RIMS1: variants seen among roughly 807,000 people sequenced by gnomAD.
RIMS1 encodes regulating synaptic membrane exocytosis 1.
RIMS1 carries 83 observed loss-of-function variants against 214.1 expected under a neutral mutation model. The ratio of observed to expected loss-of-function variants is 0.39; its 90% CI spans 0.32 to 0.47. The LOEUF is 0.47. RIMS1 is among the 20% of genes least tolerant of loss of function. RIMS1 has a pLI of 0.99. For missense variants in RIMS1, 2,050 were observed against 2,161.8 expected, an observed-to-expected ratio of 0.95 and a Z score of 1.03; for synonymous variants, 793 against 786.8, an observed-to-expected ratio of 1.01 and a Z score of -0.13.
intron 10 of RIMS1, among the ~76,000 whole-genome samples, chr6:72,244,714 C>G (rs1255148717): frequency 6.6e-6 from 1 of 151,730 alleles, no homozygotes. Flanking sequence ...AAATACACAG[C>G]ATAGGCCAGA....
chr6:72,122,448 C>T lies in RIMS1; in HGVS notation c.471+22462C>T, dbSNP rs1360142987. On this transcript the variant is annotated intron_variant, in intron 4 of 33. Transcript: ENST00000521978. The stretch of plus-strand genomic sequence containing the variant: ...GTCGTGATCTCCTGACCTCATGATC[C>T]ACCCGCCTCGGCCTCCCAAAGTGCT... 2.6e-5 allele frequency among the ~76,000 whole-genome samples: 4 copies of T among 151,526 alleles called. 1 individual carries two copies. Among genetic ancestry groups the T allele is most frequent in the East Asian group, 1.9e-4 (1 of 5,182 alleles).
intron 2 of RIMS1, among the ~76,000 whole-genome samples, chr6:71,975,634 G>A (rs540715583): frequency 6.6e-6 from 1 of 152,138 alleles, no homozygotes; most frequent in Admixed American, 6.6e-5. Flanking sequence ...CAATTTAGTG[G>A]TTTTCAAAAA....
chr6:72,302,547 A>G (rs983473934), intron 26 of RIMS1, among the ~76,000 whole-genome samples: 2 of 151,248 alleles, frequency 1.3e-5, no homozygotes, highest in African/African-American at 2.4e-5. Flanking sequence ...TGTGTCATTT[A>G]TATTCTTCTG....
intron 31 of RIMS1, among the ~76,000 whole-genome samples, chr6:72,393,653 G>C (rs1428658891): frequency 2.0e-5 from 3 of 152,080 alleles, no homozygotes; most frequent in African/African-American, 7.2e-5. Context: ...CGTGAACCCG[G>C]GAAGTGGAGC....
At chr6:71,961,726 T>A (rs1793002877) in intron 1 of RIMS1, among the ~76,000 whole-genome samples, 1 of 134,452 alleles carries the variant, frequency 7.4e-6, no homozygotes, top group Non-Finnish European at 1.6e-5. Context: ...TCTCAGTGGA[T>A]AGGTTTTGTT....
chr6:72,270,034 A>G (rs1339472896), intron 22 of RIMS1, among the ~76,000 whole-genome samples: 1 of 152,132 alleles, frequency 6.6e-6, no homozygotes, highest in Non-Finnish European at 1.5e-5. Context: ...ATATACTTCT[A>G]TTAAAATACA....
intron 6 of RIMS1, 112 bp from the exon 7 acceptor site, chr6:72,233,661 A>G (rs1425064314): frequency 2.5e-6 from 2 of 797,408 alleles, no homozygotes; most frequent in African/African-American, 3.4e-5. Flanking sequence ...TGCGATGTAC[A>G]CGCTCAAGCT....
At chr6:72,192,626 A>G (rs760327488) in intron 6 of RIMS1, among the ~76,000 whole-genome samples, 7 of 152,196 alleles carry the variant, frequency 4.6e-5, no homozygotes, top group Non-Finnish European at 8.8e-5. Context: ...TAATTAGCCA[A>G]TGCCAGAGCT....
chr6:72,304,953 A>T (rs972981402), intron 26 of RIMS1, among the ~76,000 whole-genome samples: 3 of 150,216 alleles, frequency 2.0e-5, no homozygotes, highest in Non-Finnish European at 4.5e-5. Context: ...GTTAATTTGG[A>T]GATTTTTTTT....
intron 4 of RIMS1, among the ~76,000 whole-genome samples, chr6:72,160,674 C>G (rs2045251470): frequency 7.1e-6 from 1 of 140,798 alleles, no homozygotes; most frequent in Non-Finnish European, 1.6e-5. Context: ...TGTTTATATG[C>G]TGGCTTACGT....
At chr6:72,400,403 G>A in intron 33 of RIMS1, 93 bp from the exon 34 acceptor site, 1 of 1,018,982 alleles carries the variant, frequency 9.8e-7, no homozygotes, top group African/African-American at 1.6e-5. Context: ...CTGCTTCACT[G>A]ACTGGCCCAC....
chr6:72,167,237 G>T (rs752412094), intron 4 of RIMS1, among the ~76,000 whole-genome samples: 2 of 151,550 alleles, frequency 1.3e-5, no homozygotes, highest in Non-Finnish European at 2.9e-5. Flanking sequence ...GCATATATAT[G>T]TGTATATATA....
chr6:72,210,179 T>C (rs1275946427), intron 6 of RIMS1, among the ~76,000 whole-genome samples: 1 of 152,196 alleles, frequency 6.6e-6, no homozygotes, highest in Non-Finnish European at 1.5e-5. Context: ...AATACTTCTC[T>C]TTCTTGTTCC....
At chr6:72,157,052 G>A (rs564475969) in intron 4 of RIMS1, among the ~76,000 whole-genome samples, 9 of 140,326 alleles carry the variant, frequency 6.4e-5, no homozygotes, top group African/African-American at 1.5e-4. Context: ...CAATCTGTCC[G>A]TACTTAGGAA....
At chr6:72,227,567 T>C (rs2060578590) in intron 6 of RIMS1, among the ~76,000 whole-genome samples, 1 of 151,936 alleles carries the variant, frequency 6.6e-6, no homozygotes, top group African/African-American at 2.4e-5. Context: ...TTCAACAAAC[T>C]ATACACACAA....
intron 6 of RIMS1, among the ~76,000 whole-genome samples, chr6:72,195,952 C>T (rs186082498): frequency 6.6e-6 from 1 of 152,100 alleles, no homozygotes; most frequent in East Asian, 1.9e-4. Context: ...CTTATAAAAC[C>T]ATCAGATCTT....
intron 8 of RIMS1, among the ~76,000 whole-genome samples, chr6:72,236,127 G>A (rs2063924856): frequency 6.6e-6 from 1 of 152,036 alleles, no homozygotes; most frequent in South Asian, 2.1e-4. Flanking sequence ...AAATAATTCT[G>A]ATTACCTCCA....
At chr6:72,311,299 A>G (rs1011071754) in intron 27 of RIMS1, among the ~76,000 whole-genome samples, 1 of 152,228 alleles carries the variant, frequency 6.6e-6, no homozygotes, top group Non-Finnish European at 1.5e-5. Flanking sequence ...TAACGCAGCA[A>G]CAGTGTTAAA....
intron 1 of RIMS1, among the ~76,000 whole-genome samples, chr6:71,888,292 G>A (rs1469985007): frequency 1.3e-5 from 2 of 152,158 alleles, no homozygotes; most frequent in Non-Finnish European, 2.9e-5. Flanking sequence ...CTGAAGCAGG[G>A]GAATGTAGGG....
Sources: gnomAD v4.1 joint callset for allele counts (sites outside exome capture counted in the v4.1 genomes callset) on GRCh38, gnomAD v4.1.1 for gene constraint, MANE v1.5 for transcripts, NCBI Gene and HGNC (gene_info 2026-07-23, HGNC 2026-07-21) for gene names.